Variants in SLC43A2 observed in about 807,000 individuals in gnomAD.
The protein encoded by SLC43A2 is large neutral amino acids transporter small subunit 4.
Under a neutral mutation model 63.2 loss-of-function variants are expected in SLC43A2, and 38 were observed. That is an observed-to-expected ratio of 0.60 (90% CI 0.46 to 0.79). The LOEUF is 0.79. SLC43A2 is among the 30% of genes least tolerant of loss of function. The pLI is 0.00. For missense variants in SLC43A2, 644 were observed against 756.2 expected, an observed-to-expected ratio of 0.85 and a Z score of 1.74; for synonymous variants, 322 against 331.0, an observed-to-expected ratio of 0.97 and a Z score of 0.30.
In SLC43A2 at chr17:1,576,597, C is replaced by G; in HGVS notation, c.1548G>C (p.Trp516Cys). 1 of 1,604,348 alleles carries G rather than the reference C, an allele frequency of 6.2e-7. No individual in the cohort carries two copies. Among genetic ancestry groups the G allele is most frequent in the Non-Finnish European group, 8.5e-7 (1 of 1,178,894 alleles). The change falls in exon 13 of 14, where the codon TGG becomes TGC. Residue 516 changes from tryptophan (W) to cysteine (C), a missense_variant and splice_region_variant. Physicochemically the swap from Trp to Cys is radical, Grantham distance 215. Around this residue, in one of 3 missense-constraint regions of SLC43A2, gnomAD observed 105 missense variants for 101.7 expected, o/e 1.03. Coordinates refer to ENST00000301335, the MANE Select transcript of SLC43A2 (RefSeq NM_152346.3). ...MMGPLQGDPL[W>C]VNVGLLLLSL... ...CCCACCATCCCCCGACCCCTCTTAC[C>G]CACAGAGGGTCTCCCTGGAGAGGAC...
In SLC43A2 at chr17:1,574,391, AG is replaced by A. The variant is rs1367944168; in HGVS notation, c.*1212del. 1 of 152,666 alleles carries A rather than the reference AG, an allele frequency of 6.6e-6. No homozygotes were observed. The highest frequency in any genetic ancestry group is 1.5e-5 in the Non-Finnish European group (1 of 68,038). 9.5% of individuals were successfully genotyped at this position (152,666 alleles called of 1,614,324 possible). ...TGCAGCTATTAACTGATATGCCAGA[AG>A]GGGCATCCCTTACCCGGAGGAAAAT... On this transcript the variant is annotated 3_prime_UTR_variant, in exon 14 of 14. Transcript: ENST00000301335.
At position 1,591,604 on chromosome 17, in the gene SLC43A2, G is replaced by C. The variant is rs1180235106; in HGVS notation, c.690C>G (p.Pro230=). The part of the protein sequence containing the change: ...LVFLNCFFNW[P]LEPFPGPEDM... ...CCTCCGGCCCCGGGAAGGGCTCAAG[G>C]GGCCAGTTAAAGAAGCAGTTGAGGA... is the stretch of plus-strand genomic sequence containing the variant. Residue 230 remains proline, a synonymous_variant, in exon 7 of 14, where the codon CCC becomes CCG. Transcript: ENST00000301335. The C allele has an allele frequency of 6.5e-7, 1 of 1,549,712 alleles. No individual in the cohort carries two copies. The highest frequency in any genetic ancestry group is 1.2e-5 in the South Asian group (1 of 84,046).
chr17:1,575,836 C>A, intron 13 of SLC43A2, 71 bp from the exon 14 acceptor site: 2 of 1,501,956 alleles, frequency 1.3e-6, no homozygotes, highest in African/African-American at 1.4e-5. Flanking sequence ...GCCCTCCACT[C>A]GGGTTTGGGA....
intron 5 of SLC43A2, among the ~76,000 whole-genome samples, chr17:1,597,936 A>G (rs1396538989): frequency 1.3e-5 from 2 of 152,248 alleles, no homozygotes; most frequent in Non-Finnish European, 2.9e-5. Flanking sequence ...CCTGCCTCCC[A>G]GGTAGGTTGC....
At chr17:1,627,452 C>G (rs1598504065) in intron 2 of SLC43A2, among the ~76,000 whole-genome samples, 1 of 152,196 alleles carries the variant, frequency 6.6e-6, no homozygotes, top group South Asian at 2.1e-4. Flanking sequence ...CCCTGGACAG[C>G]AGGTGGGGTT....
At position 1,590,819 on chromosome 17, in the gene SLC43A2, C is replaced by T. The variant is rs1001186659; in HGVS notation, c.1061G>A (p.Ser354Asn). Residue 354 changes from serine to asparagine, a missense_variant, in exon 9 of 14, where the codon AGC becomes AAC. Ser to Asn is a conservative substitution (Grantham distance 46). This residue lies in a region of SLC43A2 where 528 missense variants were observed against 623.6 expected (regional missense o/e 0.85). Transcript: ENST00000301335. Reference sequence around the variant, plus strand: ...GCACCTACCTGTCTTCTGGTCGCCGCTGACCAGGAACTTGAGGATGTTGTT... The same window carrying T: ...GCACCTACCTGTCTTCTGGTCGCCGTTGACCAGGAACTTGAGGATGTTGTT... The part of the protein sequence containing the change: ...AMNNILKFLV[S>N]GDQKTVGLYT... 3 of 1,555,476 alleles carry T rather than the reference C, an allele frequency of 1.9e-6. No individual in the cohort carries two copies. The highest frequency in any genetic ancestry group is 2.6e-6 in the Non-Finnish European group (3 of 1,148,884).
intron 11 of SLC43A2, among the ~76,000 whole-genome samples, chr17:1,581,974 T>TG (rs1464027665): frequency 6.7e-6 from 1 of 149,760 alleles, no homozygotes; most frequent in Admixed American, 6.6e-5. Flanking sequence ...GCCCAGCTAA[T>TG]TTTTGTAATT....
chr17:1,611,709 A>G (rs1218439409), intron 5 of SLC43A2, among the ~76,000 whole-genome samples: 2 of 152,192 alleles, frequency 1.3e-5, no homozygotes, highest in Non-Finnish European at 2.9e-5. Flanking sequence ...GAACCCTTCA[A>G]TGGCACGACA....
intron 5 of SLC43A2, among the ~76,000 whole-genome samples, chr17:1,600,209 A>G (rs367732040): frequency 8.9e-5 from 10 of 112,684 alleles, no homozygotes; most frequent in African/African-American, 2.0e-4. Flanking sequence ...GGAGTGCAGT[A>G]GTGCTATCTC....
At chr17:1,581,202 C>CCCCACACACACACACACA (rs1555536161) in intron 11 of SLC43A2, among the ~76,000 whole-genome samples, 2 of 148,364 alleles carry the variant, frequency 1.3e-5, no homozygotes, top group Non-Finnish European at 3.0e-5. Flanking sequence ...TGCCCAGTGC[C>CCCCACACACACACACACA]CACACACACA....
chr17:1,597,469 C>T (rs1480144839), intron 5 of SLC43A2, among the ~76,000 whole-genome samples: 2 of 148,136 alleles, frequency 1.4e-5, no homozygotes, highest in East Asian at 2.0e-4. Flanking sequence ...TGTGCCACTG[C>T]ACTCCAGCCT....
intron 2 of SLC43A2, among the ~76,000 whole-genome samples, chr17:1,622,302 G>C (rs1025531459): frequency 1.3e-5 from 2 of 152,350 alleles, no homozygotes; most frequent in South Asian, 2.1e-4. Context: ...GGTGGCTCAC[G>C]CCTGTAATCC....
At chr17:1,587,085 A>ACACTGCGTTTCCCG (rs71148497) in intron 9 of SLC43A2, 575,417 of 695,906 alleles carry the variant, frequency 0.83, 236,841 homozygotes, top group East Asian at 0.92. Flanking sequence ...TGCATTTCCC[A>ACACTGCGTTTCCCG]CACTGCGTTT....
chr17:1,576,666 C>A lies in SLC43A2; in HGVS notation c.1479G>T (p.Ala493=). 5.0e-6 allele frequency: 8 copies of A among 1,611,008 alleles called. No individual in the cohort carries two copies. The highest frequency in any genetic ancestry group is 1.3e-5 in the African/African-American group (1 of 75,054). ...SLTGLQSLIS[A]LFALLQQPLF... is the part of the protein sequence containing the mutation. ...GCGGCTGCTGCAGAAGGGCGAAGAG[C>A]GCGCTGATCAGAGACTGCAGTCCCG... Residue 493 remains alanine (A), a synonymous_variant, in exon 13 of 14, where the codon GCG becomes GCT. Transcript: ENST00000301335.
At chr17:1,618,111 C>T (rs1284834943) in intron 2 of SLC43A2, among the ~76,000 whole-genome samples, 6 of 152,222 alleles carry the variant, frequency 3.9e-5, no homozygotes, top group Admixed American at 6.5e-5. Flanking sequence ...TCAGGCCTCT[C>T]GGGGTTCCTC....
At chr17:1,581,997 G>A (rs532826197) in intron 11 of SLC43A2, among the ~76,000 whole-genome samples, 13 of 151,898 alleles carry the variant, frequency 8.6e-5, no homozygotes, top group African/African-American at 2.7e-4. Flanking sequence ...AGTAGAGACG[G>A]GGTTTCACCA....
chr17:1,572,260 G>GCC lies in SLC43A2; in HGVS notation c.*3342_*3343dup, dbSNP rs5818806. 2.2e-4 allele frequency: 24 copies of GCC among 107,534 alleles called. No individual in the cohort carries two copies. Among genetic ancestry groups the GCC allele is most frequent in the African/African-American group, 8.5e-4 (22 of 25,802 alleles). The allele number at this position is 107,534 out of a possible 1,614,324, so 6.7% of individuals were successfully genotyped here. ...GGGCTGTGACCCCCCTGCCACAGAG[G>GCC]CCCCCCCCCCGCCACAGAGGTCCCC... is the stretch of plus-strand genomic sequence containing the variant. On this transcript the variant is annotated 3_prime_UTR_variant, in exon 14 of 14. Coordinates refer to ENST00000301335, the MANE Select transcript of SLC43A2 (RefSeq NM_152346.3).
intron 5 of SLC43A2, among the ~76,000 whole-genome samples, chr17:1,595,963 T>C (rs914568051): frequency 6.6e-5 from 10 of 152,176 alleles, no homozygotes; most frequent in African/African-American, 1.7e-4. Context: ...TGCCCACTTT[T>C]AAAAATGAGT....
At chr17:1,581,597 A>T (rs1423398080) in intron 11 of SLC43A2, among the ~76,000 whole-genome samples, 1 of 152,180 alleles carries the variant, frequency 6.6e-6, no homozygotes, top group Non-Finnish European at 1.5e-5. Context: ...CCAAGATGCC[A>T]TCTGGACTCA....
Sources: allele counts gnomAD v4.1 joint callset (sites outside exome capture counted in the v4.1 genomes callset), GRCh38; gene constraint gnomAD v4.1.1; regional missense constraint gnomAD v4.1.1; transcripts MANE v1.5; gene names NCBI Gene and HGNC (gene_info 2026-07-23, HGNC 2026-07-21).